FBXW7: variants seen among roughly 807,000 people sequenced by gnomAD.
FBXW7 encodes F-box/WD repeat-containing protein 7.
Under a neutral mutation model 86.3 loss-of-function variants are expected in FBXW7, and 11 were observed. The observed-to-expected ratio is 0.13, with a 90% confidence interval of 0.08 to 0.21. FBXW7 has a LOEUF of 0.21. Among genes scored for constraint, FBXW7 ranks in the 10% least tolerant of loss-of-function variants. The pLI is 1.00. For synonymous variants in FBXW7, 313 were observed against 297.9 expected (o/e 1.05, Z -0.52); for missense variants, 488 against 847.4 (o/e 0.58, Z 5.27).
Position 152,330,727 on chromosome 4 carries a change from G to A in FBXW7, c.1122+5C>T, listed in dbSNP as rs1428182426. ...TTTCTGTTACATTGTGCAGAGTTCA[G>A]TTACCTTAGGAGATTTGAGTTCTCC... On this transcript the variant is annotated splice_donor_5th_base_variant and intron_variant, in intron 9 of 13. Transcript: ENST00000281708. The A allele has an allele frequency of 6.2e-7, 1 of 1,610,878 alleles. No individual in the cohort carries two copies. Among genetic ancestry groups the A allele is most frequent in the Non-Finnish European group, 8.5e-7 (1 of 1,178,178 alleles).
chr4:152,434,891 T>G (rs1390006759), intron 2 of FBXW7, among the ~76,000 whole-genome samples: 1 of 152,050 alleles, frequency 6.6e-6, no homozygotes, highest in Non-Finnish European at 1.5e-5. Flanking sequence ...GAACAGTGGT[T>G]TTCAGAAGTT....
chr4:152,358,805 T>C (rs1023905556), intron 4 of FBXW7, among the ~76,000 whole-genome samples: 3 of 152,126 alleles, frequency 2.0e-5, no homozygotes, highest in Non-Finnish European at 2.9e-5. Context: ...GCCTAGCACA[T>C]AACAGATACC....
chr4:152,443,618 T>C (rs570478932), intron 2 of FBXW7, among the ~76,000 whole-genome samples: 5 of 152,064 alleles, frequency 3.3e-5, no homozygotes, highest in East Asian at 3.9e-4. Context: ...ACTTTGAAAA[T>C]TGATTTTTTT....
At chr4:152,502,496 A>G (rs1196841226) in intron 2 of FBXW7, among the ~76,000 whole-genome samples, 1 of 152,218 alleles carries the variant, frequency 6.6e-6, no homozygotes, top group Admixed American at 6.5e-5. Flanking sequence ...AAATAACACA[A>G]GTTGCAGTGA....
intron 4 of FBXW7, among the ~76,000 whole-genome samples, chr4:152,388,850 G>C (rs967858795): frequency 1.3e-5 from 2 of 152,104 alleles, no homozygotes; most frequent in African/African-American, 4.8e-5. Context: ...AGAATGAAAA[G>C]ACAACCTACA....
At chr4:152,410,905 C>G (rs1249141004) in intron 4 of FBXW7, among the ~76,000 whole-genome samples, 1 of 152,128 alleles carries the variant, frequency 6.6e-6, no homozygotes, top group Non-Finnish European at 1.5e-5. Flanking sequence ...TAGAGTGACA[C>G]TTGTGAATAG....
At chr4:152,486,574 C>A (rs1179453764) in intron 2 of FBXW7, among the ~76,000 whole-genome samples, 2 of 152,110 alleles carry the variant, frequency 1.3e-5, no homozygotes, top group Non-Finnish European at 2.9e-5. Context: ...TGTCTTCCAC[C>A]TCCACATACT....
chr4:152,456,047 A>T (rs910100381), intron 2 of FBXW7, among the ~76,000 whole-genome samples: 1 of 152,180 alleles, frequency 6.6e-6, no homozygotes, highest in South Asian at 2.1e-4. Flanking sequence ...CATGAAATAT[A>T]AAAGAAAAAC....
At chr4:152,492,389 C>T (rs1041443573) in intron 2 of FBXW7, among the ~76,000 whole-genome samples, 3 of 152,006 alleles carry the variant, frequency 2.0e-5, no homozygotes, top group Admixed American at 6.5e-5. Context: ...ATTCCTTTTC[C>T]GAAAACACCT....
intron 4 of FBXW7, among the ~76,000 whole-genome samples, chr4:152,402,612 G>A (rs1246555477): frequency 6.6e-6 from 1 of 152,122 alleles, no homozygotes; most frequent in Non-Finnish European, 1.5e-5. Context: ...TTTACCAGCT[G>A]ACTGATACAA....
intron 2 of FBXW7, among the ~76,000 whole-genome samples, chr4:152,454,898 AAT>A (rs1742274649): frequency 6.6e-6 from 1 of 152,118 alleles, no homozygotes; most frequent in Non-Finnish European, 1.5e-5. Context: ...TTTCCAAATT[AAT>A]AATAAAAAAG....
chr4:152,493,716 A>C (rs570786884), intron 2 of FBXW7, among the ~76,000 whole-genome samples: 1 of 152,314 alleles, frequency 6.6e-6, no homozygotes, highest in South Asian at 2.1e-4. Flanking sequence ...TCTGCAAGCC[A>C]AGGAGAGAGG....
intron 4 of FBXW7, among the ~76,000 whole-genome samples, chr4:152,357,325 C>CTT (rs398064144): frequency 1.4e-5 from 2 of 139,228 alleles, no homozygotes; most frequent in African/African-American, 5.5e-5. Context: ...GTAGTTTTTT[C>CTT]TTTTTTTTTT....
At chr4:152,439,607 T>C (rs1295616400) in intron 2 of FBXW7, among the ~76,000 whole-genome samples, 5 of 152,120 alleles carry the variant, frequency 3.3e-5, no homozygotes, top group Non-Finnish European at 7.4e-5. Context: ...GGCTCAGGCC[T>C]GTAATCCCAG....
intron 2 of FBXW7, among the ~76,000 whole-genome samples, chr4:152,418,136 C>G: frequency 6.8e-6 from 1 of 147,584 alleles, no homozygotes; most frequent in East Asian, 2.0e-4. Context: ...ACCACACACA[C>G]ACACACACAC....
intron 2 of FBXW7, among the ~76,000 whole-genome samples, chr4:152,482,688 AG>A (rs1256605307): frequency 6.6e-6 from 1 of 152,198 alleles, no homozygotes; most frequent in African/African-American, 2.4e-5. Context: ...TAGACAGAAC[AG>A]GGTGGGGGGA....
intron 2 of FBXW7, among the ~76,000 whole-genome samples, chr4:152,483,014 A>C (rs1037323504): frequency 2.0e-5 from 3 of 152,090 alleles, no homozygotes; most frequent in African/African-American, 7.2e-5. Context: ...TATTCTTTTT[A>C]ATCAGCTTGC....
At chr4:152,415,901 C>A (rs1165181589) in intron 2 of FBXW7, among the ~76,000 whole-genome samples, 1 of 152,094 alleles carries the variant, frequency 6.6e-6, no homozygotes, top group Non-Finnish European at 1.5e-5. Flanking sequence ...ATGATACTTT[C>A]CCTAACCATC....
rs567608080 is a variant in FBXW7, at chr4:152,382,408, A to G, written c.501+28895T>C. 2.7e-3 allele frequency: 3,473 copies of G among 1,298,642 alleles called. 5 individuals carry two copies. Among genetic ancestry groups the G allele is most frequent in the Non-Finnish European group, 3.0e-3 (3,015 of 1,016,018 alleles). 80.4% of individuals were successfully genotyped at this position (1,298,642 alleles called of 1,614,324 possible). ...CACATTACTAAAAGCTCTAACCACT[A>G]AATTTTAAAAATATATATTTAATAA... is the stretch of plus-strand genomic sequence containing the variant. On this transcript the variant is annotated intron_variant, in intron 4 of 13. Transcript: ENST00000281708.
Sources: gnomAD v4.1 joint callset for allele counts (sites outside exome capture counted in the v4.1 genomes callset) on GRCh38, gnomAD v4.1.1 for gene constraint, MANE v1.5 for transcripts, NCBI Gene and HGNC (gene_info 2026-07-23, HGNC 2026-07-21) for gene names.